HERC5: variants seen among roughly 807,000 people sequenced by gnomAD.
HERC5 encodes the protein E3 ISG15--protein ligase HERC5.
Under a neutral mutation model 119.6 loss-of-function variants are expected in HERC5, and 99 were observed. That is an observed-to-expected ratio of 0.83 (90% confidence interval 0.70 to 0.98). HERC5 has a LOEUF of 0.98. HERC5 is among the 50% of genes least tolerant of loss of function. The probability of loss-of-function intolerance (pLI) is 0.00; values close to 1 mark genes in which losing one functional copy is unlikely to be tolerated. For missense variants in HERC5, 1,267 were observed against 1,241.3 expected, an observed-to-expected ratio of 1.02 and a Z score of -0.31; for synonymous variants, 478 against 445.9, an observed-to-expected ratio of 1.07 and a Z score of -0.91.
At position 88,475,908 on chromosome 4, in the gene HERC5, T is replaced by A. The variant is rs750445969; in HGVS notation, c.1460T>A (p.Leu487Ter). The change falls in exon 12 of 23, where the codon TTA becomes TAA. Residue 487 changes from leucine to a stop codon, truncating the protein, a stop_gained. Transcript: ENST00000264350. LOFTEE classifies it high-confidence loss of function. ...LPFHSPPQEA[L>*]EIFFLLPECP... ...TTTCATTCTCCACCCCAAGAAGCTT[T>A]AGAAATTTTCTTCCTTCTCCCAGAA... 7 of 1,614,048 alleles carry A rather than the reference T, an allele frequency of 4.3e-6. No homozygotes were observed. The highest frequency in any genetic ancestry group is 5.9e-6 in the Non-Finnish European group (7 of 1,179,960).
intron 13 of HERC5, among the ~76,000 whole-genome samples, chr4:88,484,161 G>A (rs895289292): frequency 6.6e-6 from 1 of 151,880 alleles, no homozygotes; most frequent in Non-Finnish European, 1.5e-5. Flanking sequence ...CTAGATACTC[G>A]AATTTGTTCT....
intron 1 of HERC5, chr4:88,457,898 A>C: frequency 1.9e-6 from 2 of 1,041,872 alleles, no homozygotes; most frequent in Non-Finnish European, 2.3e-6. Flanking sequence ...GTTTTGAGAA[A>C]GTAGTCACTG....
rs1046640612 is a variant in HERC5, at chr4:88,458,168, T to G, written c.265+634T>G. 4.2e-6 allele frequency: 3 copies of G among 718,686 alleles called. No individual in the cohort carries two copies. In the African/African-American group the frequency reaches 5.8e-5, roughly 14 times the overall value. 44.5% of individuals were successfully genotyped at this position (718,686 alleles called of 1,614,324 possible). A position where few individuals can be genotyped will look rare whatever the true frequency, so the allele number is the denominator to read the frequency against. On this transcript the variant is annotated intron_variant, in intron 1 of 22. Transcript: ENST00000264350. ...TTTGAGTTGTTAAATCTTTTTCTTA[T>G]TTGTATGGAAGAGGTATTTGAATAT...
In HERC5 at chr4:88,457,684, C is replaced by T. The variant is rs1740218241; in HGVS notation, c.265+150C>T. On this transcript the variant is annotated intron_variant, in intron 1 of 22. Transcript: ENST00000264350. ...CTGGCTCGGATAGTTTCGCCGACGG[C>T]GCACCTGAGCTGTCTTTTATCCCGG... 7.7e-6 allele frequency: 7 copies of T among 911,276 alleles called. No individual in the cohort carries two copies. The East Asian group carries it at 1.0e-4, about 13-fold the overall frequency. The allele number at this position is 911,276 out of a possible 1,614,324, so 56.4% of individuals were successfully genotyped here.
intron 19 of HERC5, among the ~76,000 whole-genome samples, chr4:88,500,488 A>T (rs1244813832): frequency 6.6e-6 from 1 of 152,228 alleles, no homozygotes; most frequent in Non-Finnish European, 1.5e-5. Flanking sequence ...GGCTAAATAA[A>T]GTACCTCACA....
chr4:88,501,113 G>T (rs963722247), intron 20 of HERC5, 128 bp downstream of exon 20: 7 of 621,978 alleles, frequency 1.1e-5, no homozygotes, highest in Middle Eastern at 4.2e-4. Flanking sequence ...CAGAGAAGTT[G>T]GTGTGTGTTG....
intron 18 of HERC5, among the ~76,000 whole-genome samples, chr4:88,499,444 A>G (rs1741887987): frequency 6.6e-6 from 1 of 152,228 alleles, no homozygotes; most frequent in Admixed American, 6.5e-5. Flanking sequence ...TGAAATTATT[A>G]AGGTAGTCTA....
chr4:88,502,283 T>C lies in HERC5; in HGVS notation c.2582+1298T>C, dbSNP rs572354698. Reference sequence around the variant, plus strand: ...TCCATGCAGGCAGAATCAATGCTCCTACCTGAAATTCATTTGGATATTGAT... The same window carrying C: ...TCCATGCAGGCAGAATCAATGCTCCCACCTGAAATTCATTTGGATATTGAT... On this transcript the variant is annotated intron_variant, in intron 20 of 22. Transcript: ENST00000264350. 8.6e-4 allele frequency among the ~76,000 whole-genome samples: 131 copies of C among 152,346 alleles called. No homozygotes were observed. In the South Asian group the frequency reaches 0.018, roughly 21 times the overall value.
chr4:88,503,949 C>A (rs1021990189), intron 20 of HERC5, among the ~76,000 whole-genome samples: 1 of 152,034 alleles, frequency 6.6e-6, no homozygotes, highest in African/African-American at 2.4e-5. Flanking sequence ...CACGTGTAAT[C>A]CCAGCTACTT....
intron 20 of HERC5, among the ~76,000 whole-genome samples, chr4:88,502,607 T>C (rs1315593251): frequency 1.3e-5 from 2 of 152,066 alleles, no homozygotes; most frequent in Non-Finnish European, 2.9e-5. Flanking sequence ...TGAAAGCTGT[T>C]AGTAAGCAAA....
rs1175627576 is a variant in HERC5, at chr4:88,457,530, G to A, written c.261G>A (p.Thr87=). The A allele has an allele frequency of 1.6e-6, 2 of 1,268,394 alleles. No homozygotes were observed. The highest frequency in any genetic ancestry group is 2.0e-6 in the Non-Finnish European group (2 of 1,006,716). 78.6% of individuals were successfully genotyped at this position (1,268,394 alleles called of 1,614,324 possible). A position where few individuals can be genotyped will look rare whatever the true frequency, so the allele number is the denominator to read the frequency against. ...TCGCCGGGAGCGGCGGCGCCCGGAC[G>A]CCGAGTGAGTGGGGCTGGTGTGTGA... ...QLLAGSGGAR[T]PKCIKLGKNM... Residue 87 remains threonine (T), a synonymous_variant, in exon 1 of 23, where the codon ACG becomes ACA. Transcript: ENST00000264350.
intron 20 of HERC5, among the ~76,000 whole-genome samples, chr4:88,502,729 ATAG>A (rs1349985292): frequency 6.6e-6 from 1 of 152,202 alleles, no homozygotes; most frequent in East Asian, 1.9e-4. Context: ...TGGTGGGTAT[ATAG>A]TAGTATTCCA....
intron 16 of HERC5, among the ~76,000 whole-genome samples, chr4:88,490,273 C>T: frequency 6.6e-6 from 1 of 152,150 alleles, no homozygotes; most frequent in South Asian, 2.1e-4. Context: ...CTTTCAACAA[C>T]ATTATGTGGC....
chr4:88,496,013 A>C lies in HERC5; in HGVS notation c.2444+1682A>C, dbSNP rs867199917. ...CATCTGTCAATATTTACGGGATTAG[A>C]AATTAAATATTTTAAACACAGGAAT... On this transcript the variant is annotated intron_variant, in intron 18 of 22. Transcript: ENST00000264350. Among the ~76,000 whole-genome samples, 3 of 152,350 alleles carry C rather than the reference A, an allele frequency of 2.0e-5. 1 individual carries two copies. In the Middle Eastern group the frequency reaches 0.01, roughly 518 times the overall value.
Position 88,499,908 on chromosome 4 carries a change from A to G in HERC5, c.2445-18A>G, listed in dbSNP as rs770175372. ...CATGGTTATTACCTTTTTAAAAGCA[A>G]GATTATTTTTTCCTTAGGAATTTGC... On this transcript the variant is annotated intron_variant, in intron 18 of 22. Coordinates refer to ENST00000264350, the MANE Select transcript of HERC5 (RefSeq NM_016323.4). 3.2e-6 allele frequency: 5 copies of G among 1,571,726 alleles called. No individual in the cohort carries two copies. Among genetic ancestry groups the G allele is most frequent in the Middle Eastern group, 1.7e-4 (1 of 5,956 alleles).
intron 18 of HERC5, among the ~76,000 whole-genome samples, chr4:88,496,610 T>A (rs1176116735): frequency 6.6e-6 from 1 of 152,140 alleles, no homozygotes; most frequent in African/African-American, 2.4e-5. Context: ...TGAAAGTAGA[T>A]CTTTGTCTTA....
In HERC5 at chr4:88,468,380, T is replaced by A. The variant is rs375087072; in HGVS notation, c.1092T>A (p.Ile364=). 3.7e-6 allele frequency: 6 copies of A among 1,612,192 alleles called. No homozygotes were observed. The highest frequency in any genetic ancestry group is 3.4e-6 in the Non-Finnish European group (4 of 1,178,956). Residue 364 remains isoleucine (I), a synonymous_variant, in exon 8 of 23, where the codon ATT becomes ATA. Coordinates refer to ENST00000264350, the MANE Select transcript of HERC5 (RefSeq NM_016323.4). ...SHTSEKELIM[I]AGGNQSILLW... ...CCTCAGAAAAGGAGTTAATAATGAT[T>A]GCTGGAGGGAATCAAAGCATTTTGC...
chr4:88,457,800 T>C (rs1740229602), intron 1 of HERC5: 2 of 732,006 alleles, frequency 2.7e-6, no homozygotes, highest in Non-Finnish European at 3.7e-6. Flanking sequence ...GGGCACCGTC[T>C]TCATCCTTTT....
At chr4:88,492,015 T>TA (rs1741654335) in intron 16 of HERC5, among the ~76,000 whole-genome samples, 1 of 152,060 alleles carries the variant, frequency 6.6e-6, no homozygotes, top group Non-Finnish European at 1.5e-5. Flanking sequence ...TTTATTTATT[T>TA]ATTTTTGAGA....
Sources: gnomAD v4.1 joint callset for allele counts (sites outside exome capture counted in the v4.1 genomes callset) on GRCh38, gnomAD v4.1.1 for gene constraint, MANE v1.5 for transcripts, NCBI Gene and HGNC (gene_info 2026-07-23, HGNC 2026-07-21) for gene names.